The following TNKS variants were observed in gnomAD, a reference collection of about 807,000 sequenced individuals.
TNKS encodes the protein poly [ADP-ribose] polymerase tankyrase-1.
In TNKS, 72 loss-of-function variants were observed where a neutral mutation model predicts 135.8. The observed-to-expected ratio is 0.53, with a 90% CI of 0.44 to 0.64. The LOEUF is 0.64. TNKS is among the 30% of genes least tolerant of loss of function. TNKS has a pLI of 0.00. For synonymous variants in TNKS, 849 were observed against 649.3 expected (o/e 1.31, Z -4.68); for missense variants, 1,769 against 1,674.0 (o/e 1.06, Z -0.99).
chr8:9,719,913 T>C (rs576975426), intron 11 of TNKS, among the ~76,000 whole-genome samples: 1 of 152,338 alleles, frequency 6.6e-6, no homozygotes, highest in Admixed American at 6.5e-5. Flanking sequence ...TTAGCTATAT[T>C]ACCTAAATTA....
intron 5 of TNKS, among the ~76,000 whole-genome samples, chr8:9,691,627 C>A (rs1218343017): frequency 6.6e-6 from 1 of 152,130 alleles, no homozygotes; most frequent in Admixed American, 6.5e-5. Context: ...TCCTTAGTTC[C>A]CTCATTTGTT....
At chr8:9,612,132 T>C (rs773956686) in intron 2 of TNKS, among the ~76,000 whole-genome samples, 1 of 152,196 alleles carries the variant, frequency 6.6e-6, no homozygotes, top group African/African-American at 2.4e-5. Flanking sequence ...TCATGAGAAC[T>C]GAGGCCCAGA....
intron 5 of TNKS, among the ~76,000 whole-genome samples, chr8:9,699,736 G>C (rs570227642): frequency 2.0e-5 from 3 of 152,236 alleles, no homozygotes; most frequent in East Asian, 3.9e-4. Flanking sequence ...GATTAGTCCT[G>C]TACCCTTCTG....
At chr8:9,581,878 G>A (rs998135272) in intron 2 of TNKS, among the ~76,000 whole-genome samples, 5 of 151,916 alleles carry the variant, frequency 3.3e-5, no homozygotes, top group African/African-American at 1.2e-4. Context: ...TTTTTATCTA[G>A]GTTCTATTGA....
chr8:9,683,467 G>A (rs751618118), intron 5 of TNKS, among the ~76,000 whole-genome samples: 1 of 151,948 alleles, frequency 6.6e-6, no homozygotes, highest in Non-Finnish European at 1.5e-5. Flanking sequence ...AGAACACAGC[G>A]TAGAAGCGAA....
chr8:9,767,677 C>T (rs114760225), intron 25 of TNKS, among the ~76,000 whole-genome samples: 14,365 of 152,056 alleles, frequency 0.094, 800 homozygotes, highest in South Asian at 0.17. Context: ...GAGAAATTTT[C>T]GGCTGGGCAT....
intron 3 of TNKS, among the ~76,000 whole-genome samples, chr8:9,626,012 C>G (rs933091481): frequency 6.6e-6 from 1 of 152,146 alleles, no homozygotes; most frequent in South Asian, 2.1e-4. Flanking sequence ...AAGTTTCTAA[C>G]TATAATTGTA....
chr8:9,659,796 G>C (rs865888839), intron 3 of TNKS, among the ~76,000 whole-genome samples: 5 of 152,118 alleles, frequency 3.3e-5, no homozygotes, highest in African/African-American at 1.2e-4. Context: ...ATGAATCCAG[G>C]AGCTGGTTTT....
chr8:9,708,664 C>A (rs1804171412), intron 9 of TNKS, among the ~76,000 whole-genome samples, 172 bp downstream of exon 9: 1 of 152,072 alleles, frequency 6.6e-6, no homozygotes, highest in South Asian at 2.1e-4. Context: ...TGATTCTTTT[C>A]ATGGGTGAGA....
intron 3 of TNKS, among the ~76,000 whole-genome samples, chr8:9,632,612 A>G (rs1211967606): frequency 6.6e-6 from 1 of 152,150 alleles, no homozygotes; most frequent in Non-Finnish European, 1.5e-5. Context: ...TTGGTATAGC[A>G]TTTCACCTCT....
At chr8:9,735,608 G>A (rs912927810) in intron 17 of TNKS, 122 bp downstream of exon 17, 6 of 734,268 alleles carry the variant, frequency 8.2e-6, no homozygotes, top group Admixed American at 7.0e-5. Context: ...AGACAATCCT[G>A]GCTAACACGG....
At chr8:9,648,666 C>T (rs6601341) in intron 3 of TNKS, among the ~76,000 whole-genome samples, 125,266 of 152,144 alleles carry the variant, frequency 0.82, 51,810 homozygotes, top group Admixed American at 0.88. Context: ...GAGTAATGCT[C>T]CCACTGTGAC....
At chr8:9,565,692 A>T (rs1262212495) in intron 1 of TNKS, among the ~76,000 whole-genome samples, 2 of 151,802 alleles carry the variant, frequency 1.3e-5, no homozygotes, top group East Asian at 3.9e-4. Context: ...TCTACTAAAA[A>T]TACACACACA....
At chr8:9,721,912 G>A (rs1477757535) in intron 12 of TNKS, among the ~76,000 whole-genome samples, 2 of 151,956 alleles carry the variant, frequency 1.3e-5, no homozygotes, top group Admixed American at 1.3e-4. Context: ...AATTAGCCGG[G>A]TGTGGTGGTG....
At position 9,636,287 on chromosome 8, in the gene TNKS, A is replaced by G. The variant is rs1400619301; in HGVS notation, c.994+20610A>G. On this transcript the variant is annotated intron_variant, in intron 3 of 26. Transcript: ENST00000310430. ...GTTATTTCAAGTAAAATGTTATTCA[A>G]AGTGATCATGCTGGGCATAAGAAAG... Among the ~76,000 whole-genome samples, 6 of 152,318 alleles carry G rather than the reference A, an allele frequency of 3.9e-5. No individual in the cohort carries two copies. The East Asian group carries it at 7.7e-4, about 20-fold the overall frequency.
Position 9,626,288 on chromosome 8 carries a change from T to A in TNKS, c.994+10611T>A, listed in dbSNP as rs117436123. On this transcript the variant is annotated intron_variant, in intron 3 of 26. Transcript: ENST00000310430. Reference sequence around the variant, plus strand: ...TTTACTTTCAACCTGCCAATATCATTATATTTGAACTGAATTCCTTTTAGA... The same window carrying A: ...TTTACTTTCAACCTGCCAATATCATAATATTTGAACTGAATTCCTTTTAGA... 1.9e-3 allele frequency among the ~76,000 whole-genome samples: 287 copies of A among 152,326 alleles called. 2 individuals are homozygous for A. The highest frequency in any genetic ancestry group is 3.1e-3 in the South Asian group (15 of 4,826).
At chr8:9,598,089 G>C (rs1424250464) in intron 2 of TNKS, among the ~76,000 whole-genome samples, 1 of 152,090 alleles carries the variant, frequency 6.6e-6, no homozygotes, top group Non-Finnish European at 1.5e-5. Flanking sequence ...GTTGTCAGAG[G>C]CATAGGAAAA....
chr8:9,771,485 GAA>G (rs1282829602), intron 26 of TNKS, among the ~76,000 whole-genome samples: 1 of 140,540 alleles, frequency 7.1e-6, no homozygotes, highest in African/African-American at 2.7e-5. Context: ...AAGGAAGGGG[GAA>G]AGAGATAAAG....
intron 2 of TNKS, among the ~76,000 whole-genome samples, chr8:9,597,971 T>C (rs1798858286): frequency 6.6e-6 from 1 of 152,222 alleles, no homozygotes; most frequent in Non-Finnish European, 1.5e-5. Flanking sequence ...AATTATTTGC[T>C]TTTAGCTAAA....
Sources: allele counts gnomAD v4.1 joint callset (sites outside exome capture counted in the v4.1 genomes callset), GRCh38; gene constraint gnomAD v4.1.1; transcripts MANE v1.5; gene names NCBI Gene and HGNC (gene_info 2026-07-23, HGNC 2026-07-21).